The following JARID2 variants were observed in gnomAD, a reference collection of about 807,000 sequenced individuals.
JARID2 encodes protein Jumonji.
A neutral mutation model predicts 125.6 loss-of-function variants in JARID2; 21 were observed. That is an observed-to-expected ratio of 0.17 (90% CI 0.12 to 0.24). The LOEUF is 0.24. Ranked by LOEUF, JARID2 falls within the 10% of genes least tolerant of loss-of-function variation. The pLI is 1.00. For missense variants in JARID2, 1,303 were observed against 1,639.6 expected (o/e 0.79, Z 3.55); for synonymous variants, 736 against 661.6 (o/e 1.11, Z -1.73).
intron 8 of JARID2, among the ~76,000 whole-genome samples, 155 bp from the exon 9 acceptor site, chr6:15,504,345 T>C (rs1333929813): frequency 6.6e-6 from 1 of 152,230 alleles, no homozygotes; most frequent in Non-Finnish European, 1.5e-5. Context: ...AGAGAATATA[T>C]TTCTTCCTTC....
Position 15,426,616 on chromosome 6 carries a change from T to C in JARID2, c.323+16251T>C, listed in dbSNP as rs143827572. ...ACTGAATCAATATTTGTTGAATGGA[T>C]GTGGACTGACAGCACTAGCTTCCTT... On this transcript the variant is annotated intron_variant, in intron 3 of 17. Transcript: ENST00000341776. 9.2e-5 allele frequency among the ~76,000 whole-genome samples: 14 copies of C among 152,362 alleles called. No homozygotes were observed. In the East Asian group the frequency reaches 2.7e-3, roughly 29 times the overall value.
intron 5 of JARID2, among the ~76,000 whole-genome samples, chr6:15,476,442 C>T (rs59406862): frequency 1.3e-5 from 2 of 152,230 alleles, no homozygotes; most frequent in African/African-American, 4.8e-5. Flanking sequence ...CTGTACCCTT[C>T]TTCCTCCGAG....
At chr6:15,305,930 C>G (rs1030214573) in intron 1 of JARID2, among the ~76,000 whole-genome samples, 1 of 152,142 alleles carries the variant, frequency 6.6e-6, no homozygotes, top group Non-Finnish European at 1.5e-5. Context: ...TTATTCTGAA[C>G]TTTTGTAAGG....
intron 17 of JARID2, among the ~76,000 whole-genome samples, chr6:15,519,838 C>A (rs1291685833): frequency 6.6e-6 from 1 of 151,944 alleles, no homozygotes; most frequent in Non-Finnish European, 1.5e-5. Flanking sequence ...GCATGGTGGA[C>A]CAGGGTGTTG....
At chr6:15,323,651 T>C (rs908015944) in intron 1 of JARID2, among the ~76,000 whole-genome samples, 8 of 152,118 alleles carry the variant, frequency 5.3e-5, no homozygotes, top group African/African-American at 9.7e-5. Context: ...TTTTGTTGGG[T>C]GTGGTGGCTC....
chr6:15,481,893 G>A (rs1254322217), intron 5 of JARID2, among the ~76,000 whole-genome samples: 1 of 152,116 alleles, frequency 6.6e-6, no homozygotes, highest in Non-Finnish European at 1.5e-5. Flanking sequence ...CCAGTTTATG[G>A]TTCACTATGT....
At position 15,468,610 on chromosome 6, in the gene JARID2, G is replaced by C. The variant is rs374027190; in HGVS notation, c.562G>C (p.Glu188Gln). ...TCAGGATGAGGAGGAAGTCGAGGAG[G>C]AAGATGATGAGACAGAAGACGTCAA... The part of the protein sequence containing the change: ...SSQDEEEVEE[E>Q]DDETEDVKTA... The change falls in exon 5 of 18, where the codon GAA (glutamate) becomes CAA (glutamine). Residue 188 changes from glutamate (E) to glutamine (Q), a missense_variant. Glu to Gln is a conservative substitution (Grantham distance 29, BLOSUM62 2). Transcript: ENST00000341776. The C allele has an allele frequency of 4.3e-6, 7 of 1,614,154 alleles. No individual in the cohort carries two copies. Among genetic ancestry groups the C allele is most frequent in the Non-Finnish European group, 5.9e-6 (7 of 1,180,016 alleles).
intron 1 of JARID2, among the ~76,000 whole-genome samples, chr6:15,373,212 T>C (rs567927529): frequency 2.0e-5 from 3 of 152,340 alleles, no homozygotes; most frequent in African/African-American, 2.4e-5. Flanking sequence ...TTACCTTGCT[T>C]TAGTGACTGT....
chr6:15,326,282 T>A (rs1335616066), intron 1 of JARID2, among the ~76,000 whole-genome samples: 1 of 152,140 alleles, frequency 6.6e-6, no homozygotes, highest in African/African-American at 2.4e-5. Context: ...CATAGCTCAC[T>A]GTGACCTCAA....
chr6:15,489,288 A>G (rs999762240), intron 6 of JARID2, among the ~76,000 whole-genome samples: 1 of 152,196 alleles, frequency 6.6e-6, no homozygotes, highest in African/African-American at 2.4e-5. Flanking sequence ...ACTGGAGGCC[A>G]TATCCAGGTG....
rs147344199 is a variant in JARID2 at position 15,501,196 on chromosome 6, C to T, written c.2235C>T (p.His745=). 6.2e-7 allele frequency: 1 copy of T among 1,614,116 alleles called. No homozygotes were observed. The highest frequency in any genetic ancestry group is 2.2e-5 in the East Asian group (1 of 44,870). Residue 745 remains histidine, a synonymous_variant, in exon 8 of 18, where the codon CAC becomes CAT. Coordinates refer to ENST00000341776, the MANE Select transcript of JARID2 (RefSeq NM_004973.4). ...TGGAAGGCCACACAGAGAACGACCA[C>T]CACAAGTTCCACCCTCTGCCCCGCT... ...GPLEGHTEND[H]HKFHPLPRFE... is the part of the protein sequence containing the mutation.
At chr6:15,513,672 C>T (rs764918902) in intron 16 of JARID2, among the ~76,000 whole-genome samples, 5 of 152,242 alleles carry the variant, frequency 3.3e-5, no homozygotes, top group Admixed American at 6.5e-5. Context: ...TCCTGCAGTG[C>T]GTCCTTCCTC....
At chr6:15,338,081 A>G (rs1056894026) in intron 1 of JARID2, among the ~76,000 whole-genome samples, 3 of 152,322 alleles carry the variant, frequency 2.0e-5, no homozygotes, top group African/African-American at 7.2e-5. Flanking sequence ...ATGGAGGCGT[A>G]GGTGAGGGCA....
chr6:15,337,231 T>G (rs1436397775), intron 1 of JARID2, among the ~76,000 whole-genome samples: 1 of 152,220 alleles, frequency 6.6e-6, no homozygotes, highest in Non-Finnish European at 1.5e-5. Flanking sequence ...TGAATGGCTC[T>G]TATCTCTTTC....
chr6:15,428,474 A>G lies in JARID2; in HGVS notation c.323+18109A>G, dbSNP rs139918475. Among the ~76,000 whole-genome samples, 144 of 152,060 alleles carry G rather than the reference A, an allele frequency of 9.5e-4. No individual in the cohort carries two copies. The East Asian group carries it at 0.017, about 18-fold the overall frequency. On this transcript the variant is annotated intron_variant, in intron 3 of 17. Transcript: ENST00000341776. ...TGTGATGTTGCCCTTCCTGTGTCCA[A>G]GTGTTCTCATTGTTCAATTCCCACT...
chr6:15,315,593 T>C (rs568006613), intron 1 of JARID2, among the ~76,000 whole-genome samples: 2 of 152,324 alleles, frequency 1.3e-5, no homozygotes, highest in East Asian at 3.9e-4. Context: ...ACCTGAATAA[T>C]TGAGATGAGA....
chr6:15,511,425 C>G (rs768783610), intron 13 of JARID2, 24 bp downstream of exon 13: 6 of 1,506,956 alleles, frequency 4.0e-6, no homozygotes, highest in Non-Finnish European at 5.5e-6. Flanking sequence ...GCCACCGCCT[C>G]CAGCAGGAGC....
chr6:15,476,143 AAC>A (rs1275171925), intron 5 of JARID2, among the ~76,000 whole-genome samples: 2 of 152,222 alleles, frequency 1.3e-5, no homozygotes, highest in Admixed American at 1.3e-4. Context: ...TGGGGAGATA[AAC>A]ACACAGAAAA....
intron 1 of JARID2, among the ~76,000 whole-genome samples, chr6:15,324,651 G>GTTT (rs1199393638): frequency 6.6e-4 from 96 of 144,552 alleles, no homozygotes; most frequent in African/African-American, 2.3e-3. Flanking sequence ...TGATTTTTGT[G>GTTT]TTTTTTTTTT....
Sources: gnomAD v4.1 joint callset for allele counts (sites outside exome capture counted in the v4.1 genomes callset) on GRCh38, gnomAD v4.1.1 for gene constraint, MANE v1.5 for transcripts, NCBI Gene and HGNC (gene_info 2026-07-23, HGNC 2026-07-21) for gene names.